Variants in PPP1R12B observed in about 807,000 individuals in gnomAD.
PPP1R12B encodes the protein protein phosphatase 1 regulatory subunit 12B.
In PPP1R12B, 76 loss-of-function variants were observed where a neutral mutation model predicts 126.1. The ratio of observed to expected loss-of-function variants is 0.60; its 90% CI spans 0.50 to 0.73. PPP1R12B has a LOEUF of 0.73. Ranked by LOEUF, PPP1R12B falls within the 30% of genes least tolerant of loss-of-function variation. PPP1R12B has a pLI of 0.00. For missense variants in PPP1R12B, 1,052 were observed against 1,205.1 expected, an observed-to-expected ratio of 0.87 and a Z score of 1.88; for synonymous variants, 356 against 434.7, an observed-to-expected ratio of 0.82 and a Z score of 2.25.
intron 10 of PPP1R12B, chr1:202,439,870 C>T (rs540042216): frequency 3.6e-4 from 115 of 320,752 alleles, no homozygotes; most frequent in African/African-American, 2.0e-3. Flanking sequence ...TTGGGGACAG[C>T]CCCTCCTGCC....
chr1:202,520,486 T>A (rs185799589), intron 18 of PPP1R12B, among the ~76,000 whole-genome samples: 8 of 152,356 alleles, frequency 5.3e-5, no homozygotes, highest in African/African-American at 1.9e-4. Flanking sequence ...GTACATAAGA[T>A]TTACAGTAAA....
At chr1:202,455,375 C>T (rs761159549) in intron 13 of PPP1R12B, among the ~76,000 whole-genome samples, 3 of 152,158 alleles carry the variant, frequency 2.0e-5, no homozygotes, top group Non-Finnish European at 4.4e-5. Flanking sequence ...CCCCCACAAT[C>T]TCCTTATTCC....
At chr1:202,350,387 A>G (rs1655719479) in intron 1 of PPP1R12B, among the ~76,000 whole-genome samples, 1 of 152,186 alleles carries the variant, frequency 6.6e-6, no homozygotes, top group Non-Finnish European at 1.5e-5. Flanking sequence ...TAGTGTTGTT[A>G]TTCTCATTTT....
At chr1:202,538,102 T>G (rs907809741) in intron 18 of PPP1R12B, among the ~76,000 whole-genome samples, 1 of 152,248 alleles carries the variant, frequency 6.6e-6, no homozygotes, top group African/African-American at 2.4e-5. Context: ...GTGATTCTCC[T>G]GCCTCAGCCT....
At position 202,493,269 on chromosome 1, in the gene PPP1R12B, A is replaced by T; in HGVS notation, c.2097A>T (p.Thr699=). ...ATGAGCCCTCAGCAGTTCCAGCAAC[A>T]GAAGCTGGGGAGGGCCAGCAGCCCT... ...EKHEPSAVPA[T]EAGEGQQPWG... The change falls in exon 15 of 24, where the codon ACA becomes ACT. Residue 699 remains threonine, a synonymous_variant. Transcript: ENST00000608999. 1 of 1,612,836 alleles carries T rather than the reference A, an allele frequency of 6.2e-7. No homozygotes were observed. The highest frequency in any genetic ancestry group is 8.5e-7 in the Non-Finnish European group (1 of 1,179,838).
intron 13 of PPP1R12B, among the ~76,000 whole-genome samples, chr1:202,466,334 C>G (rs1259197706): frequency 6.6e-6 from 1 of 152,142 alleles, no homozygotes; most frequent in Non-Finnish European, 1.5e-5. Context: ...TGAATCCTGG[C>G]AGTAATTTAT....
chr1:202,576,637 A>AC (rs879772586), intron 23 of PPP1R12B: 14 of 152,066 alleles, frequency 9.2e-5, no homozygotes, highest in Admixed American at 9.2e-4. Flanking sequence ...TAAACTAGGG[A>AC]CCCCCCAAAA....
At chr1:202,442,298 A>G (rs1671727091) in intron 11 of PPP1R12B, 149 bp from the exon 12 acceptor site, 1 of 849,818 alleles carries the variant, frequency 1.2e-6, no homozygotes, top group Non-Finnish European at 1.7e-6. Flanking sequence ...TCTGTACAGA[A>G]AACTGGTATA....
chr1:202,452,174 G>C (rs1673064028), intron 13 of PPP1R12B, among the ~76,000 whole-genome samples: 1 of 152,070 alleles, frequency 6.6e-6, no homozygotes, highest in Admixed American at 6.6e-5. Flanking sequence ...CTGCAATCTC[G>C]GCACTTTGGG....
intron 20 of PPP1R12B, 123 bp from the exon 21 acceptor site, chr1:202,564,320 C>T: frequency 3.3e-6 from 2 of 614,222 alleles, no homozygotes; most frequent in Non-Finnish European, 5.6e-6. Context: ...CCCTACCCTT[C>T]CTTCATTTTC....
At chr1:202,404,312 C>A (rs573922141) in intron 1 of PPP1R12B, among the ~76,000 whole-genome samples, 102 of 152,058 alleles carry the variant, frequency 6.7e-4, no homozygotes, top group African/African-American at 2.1e-3. Flanking sequence ...TCTATGCATG[C>A]CCCCACCCCC....
In PPP1R12B at chr1:202,580,627, C is replaced by T. The variant is rs1689497102; in HGVS notation, c.*67C>T. On this transcript the variant is annotated 3_prime_UTR_variant, in exon 24 of 24. Transcript: ENST00000608999. ...GCTGCCCCCACCCCTCTTTTCCAGT[C>T]CTTGCCTTCCAACCAAAAGAAATGG... 2 of 1,322,432 alleles carry T rather than the reference C, an allele frequency of 1.5e-6. No homozygotes were observed. The highest frequency in any genetic ancestry group is 2.2e-6 in the Non-Finnish European group (2 of 918,338). The allele number at this position is 1,322,432 out of a possible 1,614,324, so 81.9% of individuals were successfully genotyped here.
At chr1:202,575,453 A>G (rs1028513198) in intron 23 of PPP1R12B, 7 of 290,770 alleles carry the variant, frequency 2.4e-5, no homozygotes, top group Non-Finnish European at 4.0e-5. Flanking sequence ...ACACATAGGT[A>G]TACACGTGTA....
chr1:202,362,109 TC>T (rs1658324003), intron 1 of PPP1R12B, among the ~76,000 whole-genome samples: 1 of 152,280 alleles, frequency 6.6e-6, no homozygotes, highest in African/African-American at 2.4e-5. Flanking sequence ...TTGCCAGGTT[TC>T]TTTTTTTAGT....
At chr1:202,452,074 C>T (rs1228379619) in intron 13 of PPP1R12B, among the ~76,000 whole-genome samples, 3 of 150,890 alleles carry the variant, frequency 2.0e-5, no homozygotes, top group African/African-American at 4.9e-5. Context: ...GACGGGGCGG[C>T]GGGGCAGAGG....
chr1:202,517,902 A>G (rs1199461181), intron 18 of PPP1R12B, among the ~76,000 whole-genome samples: 3 of 152,250 alleles, frequency 2.0e-5, no homozygotes, highest in Non-Finnish European at 2.9e-5. Context: ...CTGGGATTAC[A>G]GGCGTGAGCC....
rs184418303 is a variant in PPP1R12B, at chr1:202,477,127, A to G, written c.1851-11406A>G. Among the ~76,000 whole-genome samples the G allele has an allele frequency of 2.9e-3, 446 of 152,300 alleles. 1 individual carries two copies. The highest frequency in any genetic ancestry group is 6.4e-3 in the Admixed American group (98 of 15,290). On this transcript the variant is annotated intron_variant, in intron 13 of 23. Transcript: ENST00000608999. ...CACACCTATCCTTTCTTTATTTTCCAAATTATTACTGATGAGCTTTTAATA... is the reference window on the plus strand; with the variant it reads ...CACACCTATCCTTTCTTTATTTTCCGAATTATTACTGATGAGCTTTTAATA...
At chr1:202,409,469 G>A (rs549372853) in intron 1 of PPP1R12B, among the ~76,000 whole-genome samples, 64 of 150,538 alleles carry the variant, frequency 4.3e-4, no homozygotes, top group Admixed American at 1.2e-3. Flanking sequence ...CTACAGGCAC[G>A]CGCCACCACG....
intron 9 of PPP1R12B, among the ~76,000 whole-genome samples, chr1:202,437,389 T>C (rs1670968633): frequency 6.6e-6 from 1 of 152,068 alleles, no homozygotes; most frequent in Admixed American, 6.5e-5. Flanking sequence ...TCTCCACATA[T>C]TATAAGGAGG....
Sources: gnomAD v4.1 joint callset for allele counts (sites outside exome capture counted in the v4.1 genomes callset) on GRCh38, gnomAD v4.1.1 for gene constraint, MANE v1.5 for transcripts, NCBI Gene and HGNC (gene_info 2026-07-23, HGNC 2026-07-21) for gene names.